Variants in KCNQ3 observed in about 807,000 individuals in gnomAD.
KCNQ3 encodes the protein potassium voltage-gated channel subfamily Q member 3.
A neutral mutation model predicts 92.5 loss-of-function variants in KCNQ3; 30 were observed. That is an observed-to-expected ratio of 0.32 (90% CI 0.24 to 0.44). The LOEUF (loss-of-function observed/expected upper bound fraction) is 0.44. Ranked by LOEUF, KCNQ3 falls within the 20% of genes least tolerant of loss-of-function variation. The pLI is 1.00. For synonymous variants in KCNQ3, 450 were observed against 468.8 expected (o/e 0.96, Z 0.52); for missense variants, 913 against 1,140.3 (o/e 0.80, Z 2.87).
At chr8:132,474,384 A>G (rs1008915785) in intron 1 of KCNQ3, among the ~76,000 whole-genome samples, 1 of 152,024 alleles carries the variant, frequency 6.6e-6, no homozygotes, top group Admixed American at 6.6e-5. Context: ...CCAGATGTGA[A>G]CTCCAAGTCT....
chr8:132,175,925 T>C (rs186306618), intron 4 of KCNQ3, among the ~76,000 whole-genome samples: 5 of 152,296 alleles, frequency 3.3e-5, no homozygotes, highest in Non-Finnish European at 4.4e-5. Flanking sequence ...CTCCTTCTTC[T>C]AATACAAGGC....
rs140833391 is a variant in KCNQ3 at position 132,274,183 on chromosome 8, G to T, written c.387-88002C>A. ...GACTGGGAAGAAAAAGAGGTTTAAT[G>T]GACTTACAGTTCCACATGGCTGGGG... On this transcript the variant is annotated intron_variant, in intron 1 of 14. Coordinates refer to ENST00000388996, the MANE Select transcript of KCNQ3 (RefSeq NM_004519.4). Among the ~76,000 whole-genome samples, 1,286 of 152,228 alleles carry T rather than the reference G, an allele frequency of 8.4e-3. 23 individuals are homozygous for T. Among genetic ancestry groups the T allele is most frequent in the African/African-American group, 0.028 (1,176 of 41,556 alleles).
intron 1 of KCNQ3, among the ~76,000 whole-genome samples, chr8:132,364,380 T>A (rs1025672033): frequency 7.9e-5 from 12 of 152,220 alleles, no homozygotes; most frequent in African/African-American, 2.9e-4. Context: ...GGGCTGATGA[T>A]CCCACATTAT....
chr8:132,192,013 G>A (rs980676569), intron 1 of KCNQ3, among the ~76,000 whole-genome samples: 3 of 152,150 alleles, frequency 2.0e-5, no homozygotes, highest in Non-Finnish European at 4.4e-5. Context: ...ATCTCCATCC[G>A]GCTGATTGAA....
chr8:132,402,768 G>A (rs753629060), intron 1 of KCNQ3, among the ~76,000 whole-genome samples: 29 of 151,720 alleles, frequency 1.9e-4, no homozygotes, highest in Non-Finnish European at 2.6e-4. Context: ...CTGTAATCCC[G>A]GCACTTTGAG....
At chr8:132,346,091 A>T (rs1401802799) in intron 1 of KCNQ3, among the ~76,000 whole-genome samples, 2 of 152,056 alleles carry the variant, frequency 1.3e-5, no homozygotes, top group Non-Finnish European at 2.9e-5. Flanking sequence ...CAAGATGACG[A>T]TGATGATGAT....
chr8:132,218,543 A>C (rs1814117058), intron 1 of KCNQ3, among the ~76,000 whole-genome samples: 1 of 152,214 alleles, frequency 6.6e-6, no homozygotes, highest in Non-Finnish European at 1.5e-5. Context: ...GGCTTTTTTT[A>C]TATCACATCT....
At chr8:132,282,107 C>A (rs1003738849) in intron 1 of KCNQ3, among the ~76,000 whole-genome samples, 3 of 152,150 alleles carry the variant, frequency 2.0e-5, no homozygotes, top group African/African-American at 7.2e-5. Flanking sequence ...ACCCAAAGCA[C>A]CCTGTAAGAC....
chr8:132,432,532 C>T (rs1312544664), intron 1 of KCNQ3, among the ~76,000 whole-genome samples: 1 of 152,174 alleles, frequency 6.6e-6, no homozygotes, highest in Admixed American at 6.5e-5. Flanking sequence ...CACTAGCCTC[C>T]TAACTCATCT....
At chr8:132,258,075 A>G (rs1815653674) in intron 1 of KCNQ3, among the ~76,000 whole-genome samples, 1 of 152,186 alleles carries the variant, frequency 6.6e-6, no homozygotes, top group African/African-American at 2.4e-5. Flanking sequence ...GGAGATTTCA[A>G]TATCTCATAT....
At chr8:132,382,013 C>T (rs993838414) in intron 1 of KCNQ3, among the ~76,000 whole-genome samples, 2 of 152,232 alleles carry the variant, frequency 1.3e-5, no homozygotes, top group African/African-American at 4.8e-5. Context: ...CTGAACTAAC[C>T]AGGCAGAGAG....
At chr8:132,391,129 C>T (rs1444941719) in intron 1 of KCNQ3, among the ~76,000 whole-genome samples, 1 of 152,176 alleles carries the variant, frequency 6.6e-6, no homozygotes, top group Non-Finnish European at 1.5e-5. Flanking sequence ...AAGGCCCAGG[C>T]CCTTCTTTTC....
intron 1 of KCNQ3, among the ~76,000 whole-genome samples, chr8:132,436,707 C>A (rs1821403556): frequency 1.3e-5 from 2 of 152,174 alleles, no homozygotes; most frequent in African/African-American, 4.8e-5. Context: ...TTTAAAGACT[C>A]ATTTTTAATC....
rs1443137979 is a variant in KCNQ3 at position 132,480,668 on chromosome 8, C to CCG, written c.-137_-136insCG. The CCG allele has an allele frequency of 5.4e-6, 5 of 918,746 alleles. No individual in the cohort carries two copies. Among genetic ancestry groups the CCG allele is most frequent in the South Asian group, 3.7e-5 (1 of 27,098 alleles). 56.9% of individuals were successfully genotyped at this position (918,746 alleles called of 1,614,324 possible). A position where few individuals can be genotyped will look rare whatever the true frequency, so the allele number is the denominator to read the frequency against. On this transcript the variant is annotated 5_prime_UTR_variant, in exon 1 of 15. Coordinates refer to ENST00000388996, the MANE Select transcript of KCNQ3 (RefSeq NM_004519.4). ...AATGCCATGATCCGCGCGCCCCTCCCCACCCCCCCCCAAAAGCAGGCAAAG... is the reference window on the plus strand; with the variant it reads ...AATGCCATGATCCGCGCGCCCCTCCCCGCACCCCCCCCCAAAAGCAGGCAAAG...
At chr8:132,204,984 C>T (rs2130274736) in intron 1 of KCNQ3, among the ~76,000 whole-genome samples, 1 of 152,320 alleles carries the variant, frequency 6.6e-6, no homozygotes, top group East Asian at 1.9e-4. Context: ...ATGCACAGCA[C>T]AGCCCTTCTC....
intron 9 of KCNQ3, among the ~76,000 whole-genome samples, chr8:132,161,383 C>T (rs1825982823): frequency 7.2e-5 from 11 of 152,170 alleles, no homozygotes; most frequent in Admixed American, 7.2e-4. Context: ...AATCCCAGCA[C>T]TATGGGAGAC....
At chr8:132,243,659 C>T (rs1163374960) in intron 1 of KCNQ3, among the ~76,000 whole-genome samples, 1 of 152,224 alleles carries the variant, frequency 6.6e-6, no homozygotes, top group Admixed American at 6.5e-5. Flanking sequence ...GATCCTGATT[C>T]CCAACTTAAC....
chr8:132,406,698 T>C (rs1200542744), intron 1 of KCNQ3, among the ~76,000 whole-genome samples: 1 of 152,178 alleles, frequency 6.6e-6, no homozygotes, highest in African/African-American at 2.4e-5. Context: ...CCATTAAGCA[T>C]ATGAAACACC....
intron 1 of KCNQ3, among the ~76,000 whole-genome samples, chr8:132,354,497 G>C (rs1818961837): frequency 6.6e-6 from 1 of 152,160 alleles, no homozygotes; most frequent in African/African-American, 2.4e-5. Context: ...CTTCTAGCCA[G>C]CCTGACATTT....
Sources: gnomAD v4.1 joint callset for allele counts (sites outside exome capture counted in the v4.1 genomes callset) on GRCh38, gnomAD v4.1.1 for gene constraint, MANE v1.5 for transcripts, NCBI Gene and HGNC (gene_info 2026-07-23, HGNC 2026-07-21) for gene names.